EPHA5: variants seen among roughly 807,000 people sequenced by gnomAD.
The protein encoded by EPHA5 is EPH receptor A5, also known as ephrin type-A receptor 5.
EPHA5 carries 60 observed loss-of-function variants against 105.0 expected under a neutral mutation model. The observed-to-expected ratio is 0.57, with a 90% CI of 0.46 to 0.71. The LOEUF (loss-of-function observed/expected upper bound fraction) is 0.71. Among genes scored for constraint, EPHA5 ranks in the 30% least tolerant of loss-of-function variants. The pLI, the probability that EPHA5 is intolerant of heterozygous loss-of-function variation, is 0.00. For synonymous variants in EPHA5, 513 were observed against 449.1 expected, an observed-to-expected ratio of 1.14 and a Z score of -1.80; for missense variants, 1,218 against 1,274.7, an observed-to-expected ratio of 0.96 and a Z score of 0.68.
rs1728551103 is a variant in EPHA5, at chr4:65,465,476, A to AAAAAG, written c.1402+24900_1402+24901insCTTTT. 2.5e-5 allele frequency among the ~76,000 whole-genome samples: 2 copies of AAAAAG among 80,320 alleles called. 1 individual carries two copies. Among genetic ancestry groups the AAAAAG allele is most frequent in the African/African-American group, 1.0e-4 (2 of 19,814 alleles). The allele number at this position is 80,320 out of a possible 152,430, so 52.7% of individuals were successfully genotyped here. ...AGAAAGAAAAGAAAGAAAAAGAAAG[A>AAAAAG]AAGAAAGAAAGAAAGAAAGAAAGAA... On this transcript the variant is annotated intron_variant, in intron 5 of 16. Coordinates refer to ENST00000613740, the MANE Select transcript of EPHA5 (RefSeq NM_001281766.3).
intron 8 of EPHA5, among the ~76,000 whole-genome samples, chr4:65,398,958 A>G (rs762312913): frequency 6.6e-6 from 1 of 152,194 alleles, no homozygotes; most frequent in Non-Finnish European, 1.5e-5. Flanking sequence ...AACTTCTGAC[A>G]CTGAGTGGTG....
intron 5 of EPHA5, among the ~76,000 whole-genome samples, chr4:65,431,906 C>T (rs1725017965): frequency 2.6e-5 from 4 of 151,850 alleles, no homozygotes; most frequent in Admixed American, 2.6e-4. Flanking sequence ...AAAAAAAGAT[C>T]CAATCCATCA....
chr4:65,469,181 A>G (rs1311538201), intron 5 of EPHA5, among the ~76,000 whole-genome samples: 1 of 152,118 alleles, frequency 6.6e-6, no homozygotes, highest in East Asian at 1.9e-4. Context: ...GTGAAGAAGA[A>G]GGTCAAGTTC....
chr4:65,646,184 C>T (rs942185402), intron 1 of EPHA5, among the ~76,000 whole-genome samples: 1 of 152,086 alleles, frequency 6.6e-6, no homozygotes, highest in Non-Finnish European at 1.5e-5. Context: ...CTTCCCTTTC[C>T]TAAATCTGAG....
At chr4:65,561,917 G>A (rs955527256) in intron 3 of EPHA5, among the ~76,000 whole-genome samples, 3 of 151,938 alleles carry the variant, frequency 2.0e-5, no homozygotes, top group Non-Finnish European at 2.9e-5. Context: ...GTCTAGACTC[G>A]CATTGAGGTC....
chr4:65,538,197 T>G (rs747752763), intron 3 of EPHA5, among the ~76,000 whole-genome samples: 1 of 151,804 alleles, frequency 6.6e-6, no homozygotes, highest in African/African-American at 2.4e-5. Context: ...TACGGAGATA[T>G]ATCTAATTGC....
chr4:65,639,250 T>C (rs992647875), intron 2 of EPHA5, among the ~76,000 whole-genome samples: 5 of 152,238 alleles, frequency 3.3e-5, no homozygotes, highest in African/African-American at 4.8e-5. Flanking sequence ...ATTTCTAAAG[T>C]TATATTTCCA....
chr4:65,437,031 AAAGAG>A (rs1297368433), intron 5 of EPHA5, among the ~76,000 whole-genome samples: 14 of 152,060 alleles, frequency 9.2e-5, no homozygotes, highest in Non-Finnish European at 1.6e-4. Flanking sequence ...AAGTATGCCT[AAAGAG>A]AAGGAAAGGG....
chr4:65,664,079 G>C (rs765069189), intron 1 of EPHA5, among the ~76,000 whole-genome samples: 6 of 151,796 alleles, frequency 4.0e-5, no homozygotes, highest in Non-Finnish European at 5.9e-5. Flanking sequence ...CTCATGAACT[G>C]AATACAAACA....
chr4:65,324,867 C>G (rs1376884979), intron 16 of EPHA5, among the ~76,000 whole-genome samples: 1 of 148,654 alleles, frequency 6.7e-6, no homozygotes, highest in Non-Finnish European at 1.5e-5. Context: ...ACTTTTCAAT[C>G]AAGATACTTC....
chr4:65,470,301 C>A (rs1403836927), intron 5 of EPHA5, among the ~76,000 whole-genome samples: 1 of 151,586 alleles, frequency 6.6e-6, no homozygotes, highest in Non-Finnish European at 1.5e-5. Context: ...AAGTGATTAT[C>A]CCACCTCAGC....
chr4:65,571,640 C>T (rs1740195151), intron 3 of EPHA5, among the ~76,000 whole-genome samples: 1 of 151,996 alleles, frequency 6.6e-6, no homozygotes, highest in African/African-American at 2.4e-5. Flanking sequence ...CTGTGGCACC[C>T]ACAAGAACTT....
chr4:65,493,317 AG>A (rs1360134722), intron 4 of EPHA5, among the ~76,000 whole-genome samples: 2 of 152,150 alleles, frequency 1.3e-5, no homozygotes, highest in African/African-American at 4.8e-5. Context: ...TCAGGATTTT[AG>A]GTTTTATTTT....
intron 5 of EPHA5, among the ~76,000 whole-genome samples, chr4:65,429,201 A>G (rs568991990): frequency 1.8e-4 from 27 of 152,076 alleles, no homozygotes; most frequent in Non-Finnish European, 3.1e-4. Flanking sequence ...TCTAGCAGAT[A>G]GCGTGGTGCA....
chr4:65,518,858 A>G (rs4401502), intron 3 of EPHA5, among the ~76,000 whole-genome samples: 114,219 of 151,900 alleles, frequency 0.75, 43,094 homozygotes, highest in East Asian at 0.87. Context: ...AGGACCAGAC[A>G]GATTCACAGC....
Position 65,482,261 on chromosome 4 carries a change from G to A in EPHA5, c.1402+8116C>T, listed in dbSNP as rs192273564. On this transcript the variant is annotated intron_variant, in intron 5 of 16. Coordinates refer to ENST00000613740, the MANE Select transcript of EPHA5 (RefSeq NM_001281766.3). ...TACAGTGAGCCAAAATCTTGCCATC[G>A]CACTCCAGCCTGGGTGACAAGAACA... 1.6e-4 allele frequency among the ~76,000 whole-genome samples: 24 copies of A among 148,224 alleles called. No individual in the cohort carries two copies. The East Asian group carries it at 3.4e-3, about 21-fold the overall frequency.
intron 8 of EPHA5, among the ~76,000 whole-genome samples, chr4:65,391,043 G>T (rs985552338): frequency 6.6e-6 from 1 of 152,002 alleles, no homozygotes; most frequent in Non-Finnish European, 1.5e-5. Flanking sequence ...TCATAAGGCA[G>T]CAGGAAGGAG....
intron 3 of EPHA5, among the ~76,000 whole-genome samples, chr4:65,581,561 A>G (rs1286281062): frequency 2.0e-5 from 3 of 151,680 alleles, no homozygotes; most frequent in Non-Finnish European, 4.4e-5. Flanking sequence ...AACTTAACCT[A>G]ATGTTTTTTC....
At chr4:65,490,231 C>T (rs145955971) in intron 5 of EPHA5, 146 bp downstream of exon 5, 51 of 624,188 alleles carry the variant, frequency 8.2e-5, no homozygotes, top group Non-Finnish European at 1.3e-4. Flanking sequence ...ACTGCAAAAG[C>T]GTTTTTGATG....
Sources: gnomAD v4.1 joint callset for allele counts (sites outside exome capture counted in the v4.1 genomes callset) on GRCh38, gnomAD v4.1.1 for gene constraint, MANE v1.5 for transcripts, NCBI Gene and HGNC (gene_info 2026-07-23, HGNC 2026-07-21) for gene names.